NPLOC4: variants seen among roughly 807,000 people sequenced by gnomAD.
NPLOC4 encodes the protein NPL4 homolog, ubiquitin recognition factor.
Under a neutral mutation model 80.6 loss-of-function variants are expected in NPLOC4, and 18 were observed. The observed-to-expected ratio is 0.22, with a 90% CI of 0.15 to 0.33. The LOEUF (loss-of-function observed/expected upper bound fraction) is 0.33. Ranked by LOEUF, NPLOC4 falls within the 10% of genes least tolerant of loss-of-function variation. The pLI is 1.00. For missense variants in NPLOC4, 540 were observed against 786.1 expected (o/e 0.69, Z 3.74); for synonymous variants, 313 against 301.5 (o/e 1.04, Z -0.39).
rs112292147 is a variant in NPLOC4, at chr17:81,560,298, G to A, written c.1670-882C>T. Reference sequence around the variant, plus strand: ...CGTGGTGGTAGACACCTGCCGTTCCGGCTACTCAGGAGGCTGAGGAAGGAG... The same window carrying A: ...CGTGGTGGTAGACACCTGCCGTTCCAGCTACTCAGGAGGCTGAGGAAGGAG... On this transcript the variant is annotated intron_variant, in intron 16 of 16. Transcript: ENST00000331134. Among the ~76,000 whole-genome samples the A allele has an allele frequency of 8.5e-5, 13 of 152,060 alleles. No homozygotes were observed. In the East Asian group the frequency reaches 1.2e-3, roughly 14 times the overall value.
At chr17:81,631,436 A>ATTTT (rs70938164) in intron 1 of NPLOC4, among the ~76,000 whole-genome samples, 3 of 117,028 alleles carry the variant, frequency 2.6e-5, no homozygotes, top group Non-Finnish European at 5.4e-5. Flanking sequence ...ATATATATAT[A>ATTTT]TTTTTTTTTT....
Position 81,580,830 on chromosome 17 carries a change from G to C in NPLOC4, c.1281+8114C>G, listed in dbSNP as rs2034419097. ...GGATGCCGTGAGAGCATCGCACAGT[G>C]AATCAGGTCAGTGCTACCAAGGGCT... On this transcript the variant is annotated intron_variant, in intron 12 of 16. Coordinates refer to ENST00000331134, the MANE Select transcript of NPLOC4 (RefSeq NM_017921.4). This position sits in a 1 kb window ranked among gnomAD's most constrained non-coding sequence, Gnocchi z 4.4. Among the ~76,000 whole-genome samples the C allele has an allele frequency of 2.6e-5, 4 of 152,198 alleles. No individual in the cohort carries two copies. Among genetic ancestry groups the C allele is most frequent in the Non-Finnish European group, 2.9e-5 (2 of 68,038 alleles).
At chr17:81,605,465 C>G (rs2035179260) in intron 7 of NPLOC4, among the ~76,000 whole-genome samples, 1 of 151,240 alleles carries the variant, frequency 6.6e-6, no homozygotes, top group African/African-American at 2.4e-5. Flanking sequence ...TTATTCAATA[C>G]AGTGAAACCC....
At chr17:81,600,316 G>T in intron 9 of NPLOC4, 25 bp downstream of exon 9, 1 of 1,580,878 alleles carries the variant, frequency 6.3e-7, no homozygotes, top group African/African-American at 1.3e-5. Context: ...CACGCCCCCT[G>T]CTTGGCTGCC....
intron 2 of NPLOC4, among the ~76,000 whole-genome samples, chr17:81,626,763 A>C (rs541211019): frequency 1.3e-5 from 2 of 152,128 alleles, no homozygotes; most frequent in Non-Finnish European, 2.9e-5. Context: ...TTGCCAGTGC[A>C]CTCCAACCTA....
chr17:81,594,070 G>C (rs1276850597), intron 11 of NPLOC4, among the ~76,000 whole-genome samples: 1 of 151,728 alleles, frequency 6.6e-6, no homozygotes, highest in East Asian at 1.9e-4. Flanking sequence ...TCAGGAGATC[G>C]AGACCATCCT....
At chr17:81,619,364 G>A (rs1014697536) in intron 3 of NPLOC4, among the ~76,000 whole-genome samples, 3 of 151,246 alleles carry the variant, frequency 2.0e-5, no homozygotes, top group Non-Finnish European at 4.4e-5. Flanking sequence ...GCAACACAGT[G>A]AGACTCCGTC....
intron 16 of NPLOC4, 79 bp from the exon 17 acceptor site, chr17:81,559,495 G>A: frequency 1.4e-6 from 2 of 1,469,018 alleles, no homozygotes; most frequent in Non-Finnish European, 1.8e-6. Context: ...GGGGGCAGGG[G>A]CAGGCAGCTG....
chr17:81,628,267 C>T (rs934986844), intron 2 of NPLOC4, among the ~76,000 whole-genome samples: 34 of 150,204 alleles, frequency 2.3e-4, no homozygotes, highest in African/African-American at 7.3e-4. Flanking sequence ...TGGCTGGGCA[C>T]GGTGGCTCAC....
intron 11 of NPLOC4, among the ~76,000 whole-genome samples, chr17:81,590,264 C>T (rs2034703201): frequency 2.0e-5 from 3 of 152,226 alleles, no homozygotes; most frequent in Non-Finnish European, 4.4e-5. Context: ...CCATCCTTCT[C>T]TCCCAGTCTC....
rs1244336775 is a variant in NPLOC4, at chr17:81,598,091, T to C, written c.922-775A>G. On this transcript the variant is annotated intron_variant, in intron 9 of 16. Transcript: ENST00000331134. ...GCCTGGCCCACAGAGCAAGACTCTGTCTCAAAAAAAAAAAAAAAAAAAAAG... is the reference window on the plus strand; with the variant it reads ...GCCTGGCCCACAGAGCAAGACTCTGCCTCAAAAAAAAAAAAAAAAAAAAAG... 8.7e-5 allele frequency among the ~76,000 whole-genome samples: 10 copies of C among 114,528 alleles called. No individual in the cohort carries two copies. The East Asian group carries it at 1.9e-3, about 21-fold the overall frequency. 75.1% of individuals were successfully genotyped at this position (114,528 alleles called of 152,430 possible).
At chr17:81,560,009 A>G (rs543806250) in intron 16 of NPLOC4, among the ~76,000 whole-genome samples, 11 of 151,374 alleles carry the variant, frequency 7.3e-5, no homozygotes, top group African/African-American at 2.4e-4. Flanking sequence ...TGCTGGGATT[A>G]TAGGTATGAG....
intron 1 of NPLOC4, among the ~76,000 whole-genome samples, chr17:81,634,913 T>C (rs2036026444): frequency 1.3e-5 from 2 of 152,158 alleles, no homozygotes; most frequent in Non-Finnish European, 2.9e-5. Flanking sequence ...CAAAGGTTTC[T>C]TGGCCGGGCA....
chr17:81,618,619 G>C (rs2035576847), intron 3 of NPLOC4, among the ~76,000 whole-genome samples: 1 of 150,016 alleles, frequency 6.7e-6, no homozygotes, highest in African/African-American at 2.5e-5. Flanking sequence ...CCGCCCGTCT[G>C]GGAGGTGAGG....
At chr17:81,635,195 C>T (rs961961388) in intron 1 of NPLOC4, among the ~76,000 whole-genome samples, 1 of 151,734 alleles carries the variant, frequency 6.6e-6, no homozygotes, top group Non-Finnish European at 1.5e-5. Context: ...AAAAAGACAT[C>T]AGCCATGCGT....
At position 81,557,298 on chromosome 17, in the gene NPLOC4, A is replaced by G. The variant is rs1239002484; in HGVS notation, c.*1961T>C. On this transcript the variant is annotated 3_prime_UTR_variant, in exon 17 of 17. Transcript: ENST00000331134. ...GCTCTGACTCTCTTTGGACAATAAA[A>G]TAAAGTGCATTACTGAACAAAGAGT... is the stretch of plus-strand genomic sequence containing the variant. 6.6e-6 allele frequency: 1 copy of G among 152,532 alleles called. No individual in the cohort carries two copies. Among genetic ancestry groups the G allele is most frequent in the Non-Finnish European group, 1.5e-5 (1 of 68,056 alleles). 9.4% of individuals were successfully genotyped at this position (152,532 alleles called of 1,614,324 possible). A position where few individuals can be genotyped will look rare whatever the true frequency, so the allele number is the denominator to read the frequency against.
intron 13 of NPLOC4, 62 bp downstream of exon 13, chr17:81,571,955 A>G: frequency 7.9e-7 from 1 of 1,265,738 alleles, no homozygotes; most frequent in Non-Finnish European, 1.1e-6. Context: ...ACCACCCAGC[A>G]GTCCCACCTA....
At chr17:81,563,724 G>C (rs2033921044) in intron 16 of NPLOC4, 2 of 337,912 alleles carry the variant, frequency 5.9e-6, no homozygotes, top group Admixed American at 8.3e-5. Flanking sequence ...AGACCAGTCT[G>C]GGCAACACAG....
Position 81,557,155 on chromosome 17 carries a change from C to T in NPLOC4, c.*2104G>A, listed in dbSNP as rs2033665282. The T allele has an allele frequency of 6.6e-6, 1 of 152,310 alleles. No homozygotes were observed. Among genetic ancestry groups the T allele is most frequent in the African/African-American group, 2.4e-5 (1 of 41,446 alleles). The allele number at this position is 152,310 out of a possible 1,614,324, so 9.4% of individuals were successfully genotyped here. On this transcript the variant is annotated 3_prime_UTR_variant, in exon 17 of 17. Transcript: ENST00000331134. ...GGTAGCATGAGAGGGTGTGTCCACA[C>T]CAAGGGCAGGTGAAGATGCGAGGTG...
Sources: gnomAD v4.1 joint callset for allele counts (sites outside exome capture counted in the v4.1 genomes callset) on GRCh38, gnomAD v4.1.1 for gene constraint, Gnocchi (gnomAD v3.1) non-coding constraint, MANE v1.5 for transcripts, NCBI Gene and HGNC (gene_info 2026-07-23, HGNC 2026-07-21) for gene names.